The following PCDHA11 variants were observed in gnomAD, a reference collection of about 807,000 sequenced individuals.
The protein encoded by PCDHA11 is protocadherin alpha-11.
In PCDHA11, 61 loss-of-function variants were observed where a neutral mutation model predicts 70.3. The ratio of observed to expected loss-of-function variants is 0.87; its 90% CI spans 0.71 to 1.07. The LOEUF (loss-of-function observed/expected upper bound fraction) is 1.07. PCDHA11 is among the 50% of genes least tolerant of loss of function. PCDHA11 has a pLI of 0.00. For missense variants in PCDHA11, 1,324 were observed against 1,237.5 expected (o/e 1.07, Z -1.05); for synonymous variants, 633 against 555.1 (o/e 1.14, Z -1.97).
At chr5:140,941,214 C>CTTTCTTTCTTTCTTTCTTT (rs1554214039) in intron 1 of PCDHA11, among the ~76,000 whole-genome samples, 2,124 of 122,372 alleles carry the variant, frequency 0.017, 57 homozygotes, top group East Asian at 0.032. Flanking sequence ...TTTCTTTCTT[C>CTTTCTTTCTTTCTTTCTTT]CTTTCTTTCT....
intron 1 of PCDHA11, chr5:140,929,538 A>C: frequency 3.3e-6 from 2 of 603,382 alleles, no homozygotes; most frequent in Non-Finnish European, 5.1e-6. Context: ...TTGAGAAACA[A>C]GGGCAAAAAT....
chr5:140,879,402 T>C (rs571790), intron 1 of PCDHA11, among the ~76,000 whole-genome samples: 2,265 of 152,304 alleles, frequency 0.015, 52 homozygotes, highest in African/African-American at 0.052. Context: ...TTTGTGTGTA[T>C]TTGAGCAGGT....
chr5:140,894,987 T>A lies in PCDHA11; in HGVS notation c.2391+23493T>A, dbSNP rs564159529. On this transcript the variant is annotated intron_variant, in intron 1 of 3. Transcript: ENST00000398640. ...TTTTTTAATGTCTTACTTTGTGACA[T>A]CCTTTACCCTTTTTACTTGGACCTT... 3.3e-5 allele frequency among the ~76,000 whole-genome samples: 5 copies of A among 152,318 alleles called. No individual in the cohort carries two copies. In the East Asian group the frequency reaches 9.6e-4, roughly 29 times the overall value.
rs2066634766 is a variant in PCDHA11, at chr5:140,898,278, G to A, written c.2391+26784G>A. The stretch of plus-strand genomic sequence containing the variant: ...AAGTCCTTGCCCATGCCTAAGTTCT[G>A]AATGGTAATGCCTAGGTTTTCTTCT... On this transcript the variant is annotated intron_variant, in intron 1 of 3. Transcript: ENST00000398640. Among the ~76,000 whole-genome samples, 8 of 152,194 alleles carry A rather than the reference G, an allele frequency of 5.3e-5. No individual in the cohort carries two copies. The South Asian group carries it at 1.7e-3, about 31-fold the overall frequency.
Position 140,870,622 on chromosome 5 carries a change from G to C in PCDHA11, c.1519G>C (p.Val507Leu), listed in dbSNP as rs377101052. The C allele has an allele frequency of 2.5e-6, 4 of 1,613,124 alleles. No individual in the cohort carries two copies. Among genetic ancestry groups the C allele is most frequent in the Non-Finnish European group, 3.4e-6 (4 of 1,179,796 alleles). Residue 507 changes from valine to leucine, a missense_variant, in exon 1 of 4, where the codon GTG becomes CTG. By Grantham distance (32) the Val-to-Leu change is conservative. Coordinates refer to ENST00000398640, the MANE Select transcript of PCDHA11 (RefSeq NM_018902.5). ...GGGCGACCGCGCGCTGTCGAGCTAC[G>C]TGTCGGTGCACGCGGAGAGCGGCAA... is the stretch of plus-strand genomic sequence containing the variant. ...RLGDRALSSY[V>L]SVHAESGKVY... is the part of the protein sequence containing the mutation.
Position 140,869,650 on chromosome 5 carries a change from C to A in PCDHA11, c.547C>A (p.Pro183Thr). ...AAATGAGTATTTTTCTTTAGATTCA[C>A]CAACAAATGGTAAGCAGATTAAAAG... The part of the protein sequence containing the change: ...SKNEYFSLDS[P>T]TNGKQIKRLS... Residue 183 changes from proline to threonine, a missense_variant, in exon 1 of 4, where the codon CCA (proline) becomes ACA (threonine). Coordinates refer to ENST00000398640, the MANE Select transcript of PCDHA11 (RefSeq NM_018902.5). 1 of 1,613,504 alleles carries A rather than the reference C, an allele frequency of 6.2e-7. No homozygotes were observed. Among genetic ancestry groups the A allele is most frequent in the African/African-American group, 1.3e-5 (1 of 74,980 alleles).
chr5:140,882,280 C>T lies in PCDHA11; in HGVS notation c.2391+10786C>T, dbSNP rs531486554. On this transcript the variant is annotated intron_variant, in intron 1 of 3. Transcript: ENST00000398640. ...TTTTGGAGTGTACCATGCTGTCTTCCTGGCAAGGAGGCCCAAGACCGCGGC... is the reference window on the plus strand; with the variant it reads ...TTTTGGAGTGTACCATGCTGTCTTCTTGGCAAGGAGGCCCAAGACCGCGGC... 1.0e-4 allele frequency: 164 copies of T among 1,612,564 alleles called. 4 individuals are homozygous for T. The South Asian group carries it at 1.7e-3, about 16-fold the overall frequency.
At chr5:140,966,767 A>T in intron 1 of PCDHA11, 1 of 1,484,362 alleles carries the variant, frequency 6.7e-7, no homozygotes, top group South Asian at 1.3e-5. Context: ...GCCAGTGGCT[A>T]TGGAGCAGGC....
intron 1 of PCDHA11, chr5:140,877,792 C>A (rs782259804): frequency 1.9e-6 from 3 of 1,613,886 alleles, no homozygotes; most frequent in Non-Finnish European, 2.5e-6. Flanking sequence ...GGCCTTCAGC[C>A]CAAGCCTTCA....
At chr5:140,888,938 G>T (rs947628683) in intron 1 of PCDHA11, among the ~76,000 whole-genome samples, 1 of 151,864 alleles carries the variant, frequency 6.6e-6, no homozygotes, top group Admixed American at 6.6e-5. Flanking sequence ...TTTGAGGGAG[G>T]TATAAATTTT....
rs1391320223 is a variant in PCDHA11, at chr5:140,927,345, C to T, written c.2392-51604C>T. The T allele has an allele frequency of 1.2e-6, 2 of 1,614,012 alleles. 1 individual carries two copies. On this transcript the variant is annotated intron_variant, in intron 1 of 3. Transcript: ENST00000398640. The stretch of plus-strand genomic sequence containing the variant: ...TTACTCTCCCGAATGCCCAAGATGA[C>T]GACGAGGGAAGCAATGGGATACTAA...
At chr5:140,984,826 T>C (rs1554246543) in intron 3 of PCDHA11, among the ~76,000 whole-genome samples, 4 of 152,188 alleles carry the variant, frequency 2.6e-5, no homozygotes, top group African/African-American at 9.6e-5. Context: ...TTAATTACCC[T>C]TTCTGTAAAT....
At chr5:140,964,961 G>A (rs552220130) in intron 1 of PCDHA11, among the ~76,000 whole-genome samples, 1 of 152,320 alleles carries the variant, frequency 6.6e-6, no homozygotes, top group Non-Finnish European at 1.5e-5. Context: ...TTGGTTGGTG[G>A]AACGAAGGGA....
intron 1 of PCDHA11, chr5:140,966,932 G>A: frequency 6.2e-7 from 1 of 1,603,726 alleles, no homozygotes; most frequent in Non-Finnish European, 8.5e-7. Flanking sequence ...GGCACCCGGC[G>A]CGCTCGTGGG....
intron 1 of PCDHA11, chr5:140,875,192 C>T (rs2055339316): frequency 2.0e-6 from 1 of 509,102 alleles, no homozygotes. Flanking sequence ...AAGAGTGACC[C>T]AGGAAGTGGC....
At chr5:141,007,095 G>A (rs1405401392) in intron 3 of PCDHA11, among the ~76,000 whole-genome samples, 2 of 152,208 alleles carry the variant, frequency 1.3e-5, no homozygotes, top group East Asian at 1.9e-4. Context: ...AGAGAGTCTA[G>A]GGCCAAACCC....
chr5:140,961,982 C>T (rs1367678374), intron 1 of PCDHA11, among the ~76,000 whole-genome samples: 2 of 151,650 alleles, frequency 1.3e-5, no homozygotes, highest in African/African-American at 4.9e-5. Context: ...CTCCTGGGTT[C>T]ACGCCATTGT....
At chr5:140,969,131 A>C in intron 1 of PCDHA11, 1 of 1,614,138 alleles carries the variant, frequency 6.2e-7, no homozygotes, top group African/African-American at 1.3e-5. Flanking sequence ...CTCCCTCACC[A>C]AGACCTACTG....
intron 1 of PCDHA11, among the ~76,000 whole-genome samples, chr5:140,951,327 C>T (rs782778063): frequency 5.3e-5 from 8 of 152,026 alleles, no homozygotes; most frequent in Non-Finnish European, 8.8e-5. Context: ...TGAGATTCAT[C>T]ATTCTGTTTG....
Sources: gnomAD v4.1 joint callset for allele counts (sites outside exome capture counted in the v4.1 genomes callset) on GRCh38, gnomAD v4.1.1 for gene constraint, MANE v1.5 for transcripts, NCBI Gene and HGNC (gene_info 2026-07-23, HGNC 2026-07-21) for gene names.